Variants in GPD2 observed in about 807,000 individuals in gnomAD.
The protein encoded by GPD2 is glycerol-3-phosphate dehydrogenase 2.
In GPD2, 54 loss-of-function variants were observed where a neutral mutation model predicts 82.4. The observed-to-expected ratio is 0.66, with a 90% CI of 0.53 to 0.82. The LOEUF is 0.82. Among genes scored for constraint, GPD2 ranks in the 40% least tolerant of loss-of-function variants. The pLI, the probability that GPD2 is intolerant of heterozygous loss-of-function variation, is 0.00. For missense variants in GPD2, 748 were observed against 896.2 expected (o/e 0.83, Z 2.11); for synonymous variants, 288 against 306.1 (o/e 0.94, Z 0.62).
chr2:156,572,546 G>A (rs1455047333), intron 13 of GPD2, among the ~76,000 whole-genome samples: 1 of 152,046 alleles, frequency 6.6e-6, no homozygotes, highest in Admixed American at 6.6e-5. Context: ...GGATATGTCT[G>A]TGTGAAATTC....
intron 2 of GPD2, among the ~76,000 whole-genome samples, chr2:156,485,174 GT>G (rs767952210): frequency 2.0e-5 from 3 of 152,164 alleles, no homozygotes; most frequent in Non-Finnish European, 4.4e-5. Context: ...TGTTTAGGTT[GT>G]TTCCATATCT....
chr2:156,513,823 T>A (rs1685095812), intron 6 of GPD2, among the ~76,000 whole-genome samples: 1 of 152,198 alleles, frequency 6.6e-6, no homozygotes, highest in Non-Finnish European at 1.5e-5. Context: ...TGTTTGCTAG[T>A]GAATATTTGC....
At chr2:156,485,730 G>T (rs754689389) in intron 2 of GPD2, among the ~76,000 whole-genome samples, 2 of 152,050 alleles carry the variant, frequency 1.3e-5, no homozygotes, top group Non-Finnish European at 2.9e-5. Context: ...TATTCTAGTG[G>T]GTCTGCCATG....
the GPD2 span, among the ~76,000 whole-genome samples, chr2:156,421,740 C>A: frequency 6.6e-6 from 1 of 152,142 alleles, no homozygotes; most frequent in African/African-American, 2.4e-5. Flanking sequence ...ATGTTTTCCC[C>A]TCACTTTTCT....
At chr2:156,493,717 GA>G (rs1261988265) in intron 2 of GPD2, among the ~76,000 whole-genome samples, 1 of 152,068 alleles carries the variant, frequency 6.6e-6, no homozygotes, top group Admixed American at 6.6e-5. Context: ...TTACCAAGCA[GA>G]AAATGTCAGC....
chr2:156,459,813 G>A (rs1682930214), intron 1 of GPD2, among the ~76,000 whole-genome samples: 1 of 151,846 alleles, frequency 6.6e-6, no homozygotes, highest in South Asian at 2.1e-4. Context: ...TCGTAGGGTA[G>A]ACTGACATCT....
chr2:156,460,514 A>G (rs1682952877), intron 1 of GPD2, among the ~76,000 whole-genome samples: 1 of 152,218 alleles, frequency 6.6e-6, no homozygotes, highest in Non-Finnish European at 1.5e-5. Context: ...AGCTGGGTCA[A>G]TAAGCTTCAC....
chr2:156,580,676 G>C (rs1687996515), intron 16 of GPD2, among the ~76,000 whole-genome samples: 1 of 152,134 alleles, frequency 6.6e-6, no homozygotes, highest in South Asian at 2.1e-4. Flanking sequence ...TCTTCACTGT[G>C]TCAAGTTAAA....
At chr2:156,486,404 G>A (rs999460783) in intron 2 of GPD2, among the ~76,000 whole-genome samples, 2 of 152,248 alleles carry the variant, frequency 1.3e-5, no homozygotes, top group African/African-American at 4.8e-5. Flanking sequence ...TTGACAGCTG[G>A]TGAGCTGCTA....
chr2:156,524,553 CACAGGGT>C (rs1231120395), intron 6 of GPD2, among the ~76,000 whole-genome samples: 2 of 152,156 alleles, frequency 1.3e-5, no homozygotes, highest in African/African-American at 2.4e-5. Context: ...TGGACTTTTT[CACAGGGT>C]ACAGACTTCT....
Position 156,585,410 on chromosome 2 carries a change from AC to A in GPD2, c.*2497del, listed in dbSNP as rs1273154389. ...CCTTTGAGGGGATTCAGGTGAAGGA[AC>A]CCCCATCTGTGCTGGAGAGTTGGAT... is the stretch of plus-strand genomic sequence containing the variant. On this transcript the variant is annotated 3_prime_UTR_variant, in exon 17 of 17. Transcript: ENST00000438166. The A allele has an allele frequency of 6.6e-6, 1 of 152,010 alleles. No homozygotes were observed. Among genetic ancestry groups the A allele is most frequent in the African/African-American group, 2.4e-5 (1 of 41,258 alleles). The allele number at this position is 152,010 out of a possible 1,614,324, so 9.4% of individuals were successfully genotyped here.
At chr2:156,529,499 A>G (rs1191919589) in intron 6 of GPD2, among the ~76,000 whole-genome samples, 7 of 150,698 alleles carry the variant, frequency 4.6e-5, no homozygotes, top group African/African-American at 1.2e-4. Flanking sequence ...TGTTTTAGAC[A>G]TGAAGTCCTT....
the GPD2 span, among the ~76,000 whole-genome samples, chr2:156,401,788 A>G: frequency 6.6e-6 from 1 of 152,240 alleles, no homozygotes; most frequent in Non-Finnish European, 1.5e-5. Context: ...CTCTAATAGT[A>G]TGAGTCTGAT....
At chr2:156,400,769 G>C in the GPD2 span, among the ~76,000 whole-genome samples, 1 of 152,196 alleles carries the variant, frequency 6.6e-6, no homozygotes, top group East Asian at 1.9e-4. Context: ...CTTTCGGCTG[G>C]GGGATGTAGC....
At chr2:156,532,514 A>G (rs112707563) in intron 6 of GPD2, among the ~76,000 whole-genome samples, 2 of 152,318 alleles carry the variant, frequency 1.3e-5, no homozygotes, top group East Asian at 3.9e-4. Flanking sequence ...CTTTTTGAAC[A>G]ATAGGTTTCA....
chr2:156,450,663 C>CT (rs1471940113), intron 1 of GPD2, among the ~76,000 whole-genome samples: 4 of 38,890 alleles, frequency 1.0e-4, no homozygotes, highest in South Asian at 1.7e-3. Flanking sequence ...TTATAGACAA[C>CT]TCTTTTTTTT....
chr2:156,451,468 G>A (rs1199678570), intron 1 of GPD2, among the ~76,000 whole-genome samples: 1 of 41,028 alleles, frequency 2.4e-5, no homozygotes, highest in African/African-American at 8.4e-5. Flanking sequence ...CGGGCGGGGG[G>A]CTGACCCCCC....
intron 1 of GPD2, among the ~76,000 whole-genome samples, chr2:156,457,548 A>C (rs902786350): frequency 6.6e-6 from 1 of 152,124 alleles, no homozygotes; most frequent in South Asian, 2.1e-4. Flanking sequence ...TATTTGAGTG[A>C]ATGTTTATTT....
At chr2:156,515,780 A>G (rs1166984472) in intron 6 of GPD2, among the ~76,000 whole-genome samples, 1 of 152,248 alleles carries the variant, frequency 6.6e-6, no homozygotes, top group Non-Finnish European at 1.5e-5. Context: ...CTCATTTGAT[A>G]TAAATAATTT....
Sources: gnomAD v4.1 joint callset for allele counts (sites outside exome capture counted in the v4.1 genomes callset) on GRCh38, gnomAD v4.1.1 for gene constraint, MANE v1.5 for transcripts, NCBI Gene and HGNC (gene_info 2026-07-23, HGNC 2026-07-21) for gene names.